PCDHGA10: variants seen among roughly 807,000 people sequenced by gnomAD.
The protein encoded by PCDHGA10 is protocadherin gamma-A10.
PCDHGA10 carries 42 observed loss-of-function variants against 59.5 expected under a neutral mutation model. That is an observed-to-expected ratio of 0.71 (90% CI 0.55 to 0.91). The LOEUF (loss-of-function observed/expected upper bound fraction) is 0.91, where lower values mean the gene tolerates loss of function less well. Ranked by LOEUF, PCDHGA10 falls within the 40% of genes least tolerant of loss-of-function variation. The pLI, the probability that PCDHGA10 is intolerant of heterozygous loss-of-function variation, is 0.00. For missense variants in PCDHGA10, 1,111 were observed against 1,198.2 expected (o/e 0.93, Z 1.07); for synonymous variants, 511 against 517.2 (o/e 0.99, Z 0.16).
At chr5:141,430,567 A>G in intron 1 of PCDHGA10, 1 of 434,308 alleles carries the variant, frequency 2.3e-6, no homozygotes, top group Non-Finnish European at 3.9e-6. Context: ...GGGGAGAGAA[A>G]AGCGGAGATC....
intron 1 of PCDHGA10, among the ~76,000 whole-genome samples, chr5:141,466,735 T>C (rs2099128254): frequency 6.6e-6 from 1 of 152,224 alleles, no homozygotes; most frequent in South Asian, 2.1e-4. Context: ...GCAGAATTCA[T>C]GTTACTCTGA....
chr5:141,450,565 C>A (rs1024229182), intron 1 of PCDHGA10, among the ~76,000 whole-genome samples: 4 of 152,016 alleles, frequency 2.6e-5, no homozygotes, highest in African/African-American at 9.7e-5. Flanking sequence ...CGGCTCACTG[C>A]AACTTCTGCC....
chr5:141,447,558 G>T (rs551305232), intron 1 of PCDHGA10, among the ~76,000 whole-genome samples: 1 of 152,264 alleles, frequency 6.6e-6, no homozygotes, highest in African/African-American at 2.4e-5. Context: ...GAGTACACTT[G>T]GAGGATTCTA....
intron 1 of PCDHGA10, chr5:141,419,499 G>A: frequency 6.2e-7 from 1 of 1,612,368 alleles, no homozygotes; most frequent in Non-Finnish European, 8.5e-7. Context: ...GCCAATGTGA[G>A]CCTGCGCGTG....
chr5:141,417,839 C>A, intron 1 of PCDHGA10: 1 of 1,534,218 alleles, frequency 6.5e-7, no homozygotes, highest in South Asian at 1.2e-5. Flanking sequence ...AGCGGGGACC[C>A]AGCGAGAACC....
chr5:141,424,116 T>G, intron 1 of PCDHGA10: 1 of 667,648 alleles, frequency 1.5e-6, no homozygotes, highest in Non-Finnish European at 1.9e-6. Context: ...GTTCAAATTT[T>G]GATCCTGTTG....
rs560197175 is a variant in PCDHGA10, at chr5:141,434,430, G to A, written c.2436+18819G>A. Among the ~76,000 whole-genome samples the A allele has an allele frequency of 2.4e-4, 36 of 152,326 alleles. 1 individual carries two copies. In the South Asian group the frequency reaches 6.4e-3, roughly 27 times the overall value. On this transcript the variant is annotated intron_variant, in intron 1 of 3. Coordinates refer to ENST00000398610, the MANE Select transcript of PCDHGA10 (RefSeq NM_018913.3). ...GCACTGTGACATGTTCATGATGGCC[G>A]TAATGCCCATGCTGGAAGGTAGTGG...
At chr5:141,446,718 C>G (rs1279970040) in intron 1 of PCDHGA10, among the ~76,000 whole-genome samples, 1 of 152,174 alleles carries the variant, frequency 6.6e-6, no homozygotes, top group Non-Finnish European at 1.5e-5. Flanking sequence ...CTGCCCGCCT[C>G]GGCCTCCCAA....
At chr5:141,450,355 C>T (rs943649682) in intron 1 of PCDHGA10, among the ~76,000 whole-genome samples, 2 of 152,090 alleles carry the variant, frequency 1.3e-5, no homozygotes, top group Non-Finnish European at 2.9e-5. Context: ...TGAAACAGTT[C>T]CTCAGCCTTG....
rs544291535 is a variant in PCDHGA10 at position 141,433,938 on chromosome 5, C to T, written c.2436+18327C>T. 4.6e-5 allele frequency among the ~76,000 whole-genome samples: 7 copies of T among 151,784 alleles called. No homozygotes were observed. The South Asian group carries it at 1.3e-3, about 27-fold the overall frequency. On this transcript the variant is annotated intron_variant, in intron 1 of 3. Coordinates refer to ENST00000398610, the MANE Select transcript of PCDHGA10 (RefSeq NM_018913.3). ...CCTCCAAATGAAGATTTTATAATTCCATTGTTTCTTCTACAGTTGTTAATT... is the reference window on the plus strand; with the variant it reads ...CCTCCAAATGAAGATTTTATAATTCTATTGTTTCTTCTACAGTTGTTAATT...
chr5:141,476,438 C>G lies in PCDHGA10; in HGVS notation c.2437-18369C>G. On this transcript the variant is annotated intron_variant, in intron 1 of 3. Coordinates refer to ENST00000398610, the MANE Select transcript of PCDHGA10 (RefSeq NM_018913.3). This position sits in a 1 kb window ranked among gnomAD's most constrained non-coding sequence, Gnocchi z 7.6. The stretch of plus-strand genomic sequence containing the variant: ...GACACTGCCCTCTTGCACTGTAACT[C>G]TGGAGTTGGTAGTGGAGAACCCGCT... 1 of 1,614,090 alleles carries G rather than the reference C, an allele frequency of 6.2e-7. No homozygotes were observed. Among genetic ancestry groups the G allele is most frequent in the Non-Finnish European group, 8.5e-7 (1 of 1,180,026 alleles).
chr5:141,425,127 A>G (rs1353123394), intron 1 of PCDHGA10, among the ~76,000 whole-genome samples: 2 of 152,208 alleles, frequency 1.3e-5, no homozygotes, highest in Non-Finnish European at 2.9e-5. Flanking sequence ...CTTGAAGTCA[A>G]GAAAAATGTT....
rs185280755 is a variant in PCDHGA10 at position 141,476,824 on chromosome 5, C to T, written c.2437-17983C>T. Reference sequence around the variant, plus strand: ...TGCCTATTCACATCAAGGTGCTGGACGCGAATGACAATGCGCCTGTCTTCA... The same window carrying T: ...TGCCTATTCACATCAAGGTGCTGGATGCGAATGACAATGCGCCTGTCTTCA... On this transcript the variant is annotated intron_variant, in intron 1 of 3. Transcript: ENST00000398610. This position sits in a 1 kb window ranked among gnomAD's most constrained non-coding sequence, Gnocchi z 7.6. 24 of 1,613,588 alleles carry T rather than the reference C, an allele frequency of 1.5e-5. No homozygotes were observed. The East Asian group carries it at 4.5e-4, about 30-fold the overall frequency.
intron 1 of PCDHGA10, among the ~76,000 whole-genome samples, chr5:141,483,630 G>A (rs2099583876): frequency 6.7e-6 from 1 of 149,714 alleles, no homozygotes; most frequent in African/African-American, 2.5e-5. Flanking sequence ...ATGGGAGAAG[G>A]TATAGAGGGG....
chr5:141,454,932 C>G (rs945154196), intron 1 of PCDHGA10, among the ~76,000 whole-genome samples: 7 of 150,770 alleles, frequency 4.6e-5, no homozygotes, highest in Non-Finnish European at 1.0e-4. Context: ...CTCAGCCTCC[C>G]GAGTAGCTGG....
At position 141,487,074 on chromosome 5, in the gene PCDHGA10, T is replaced by C; in HGVS notation, c.2437-7733T>C. The C allele has an allele frequency of 6.2e-7, 1 of 1,614,104 alleles. No homozygotes were observed. The highest frequency in any genetic ancestry group is 8.5e-7 in the Non-Finnish European group (1 of 1,179,978). Reference sequence around the variant, plus strand: ...GGGGAGGTGCGGACGGCTGTTCCTATCCCAGCTGACCTCCCACCACAGAAG... The same window carrying C: ...GGGGAGGTGCGGACGGCTGTTCCTACCCCAGCTGACCTCCCACCACAGAAG... On this transcript the variant is annotated intron_variant, in intron 1 of 3. Transcript: ENST00000398610. The surrounding 1 kb of genome is among the most constrained non-coding windows in gnomAD (Gnocchi z 5.0).
chr5:141,499,223 C>T (rs1478344280), intron 2 of PCDHGA10, among the ~76,000 whole-genome samples: 2 of 152,112 alleles, frequency 1.3e-5, no homozygotes, highest in African/African-American at 4.8e-5. Context: ...CCCTGCCCTG[C>T]AGCTGTCCCC....
intron 1 of PCDHGA10, chr5:141,430,641 T>G: frequency 1.1e-6 from 1 of 902,670 alleles, no homozygotes. Context: ...TCCCTGGGAG[T>G]ATGTGGAAAC....
chr5:141,423,546 G>A, intron 1 of PCDHGA10: 1 of 1,613,708 alleles, frequency 6.2e-7, no homozygotes, highest in Non-Finnish European at 8.5e-7. Flanking sequence ...TTTTCCCCCA[G>A]CCCAACTATG....
Sources: allele counts gnomAD v4.1 joint callset (sites outside exome capture counted in the v4.1 genomes callset), GRCh38; gene constraint gnomAD v4.1.1; non-coding constraint Gnocchi (gnomAD v3.1); transcripts MANE v1.5; gene names NCBI Gene and HGNC (gene_info 2026-07-23, HGNC 2026-07-21).